The following PIK3CD variants were observed in gnomAD, a reference collection of about 807,000 sequenced individuals.
PIK3CD encodes phosphatidylinositol-4,5-bisphosphate 3-kinase catalytic subunit delta.
Under a neutral mutation model 122.9 loss-of-function variants are expected in PIK3CD, and 20 were observed. The ratio of observed to expected loss-of-function variants is 0.16; its 90% CI spans 0.11 to 0.24. The LOEUF (loss-of-function observed/expected upper bound fraction) is 0.24. PIK3CD is among the 10% of genes least tolerant of loss of function. The probability of loss-of-function intolerance (pLI) is 1.00; values close to 1 mark genes in which losing one functional copy is unlikely to be tolerated. For missense variants in PIK3CD, 787 were observed against 1,406.3 expected (o/e 0.56, Z 7.04); for synonymous variants, 596 against 593.4 (o/e 1.00, Z -0.06).
the PIK3CD span, among the ~76,000 whole-genome samples, chr1:9,643,523 AT>A: frequency 1.3e-5 from 2 of 152,002 alleles, no homozygotes; most frequent in Admixed American, 6.6e-5. Flanking sequence ...GATTAAAAAA[AT>A]AAATAAATAA....
chr1:9,718,648 G>C lies in PIK3CD; in HGVS notation c.1021-46G>C, dbSNP rs764612143. On this transcript the variant is annotated intron_variant, in intron 8 of 23. Coordinates refer to ENST00000377346, the MANE Select transcript of PIK3CD (RefSeq NM_005026.5). The surrounding 1 kb of genome is among the most constrained non-coding windows in gnomAD (Gnocchi z 7.2). ...GACACCTTAAGGGGGAGGGGAGAGG[G>C]GCTGGGCCTCTGCCTCCTCACCCAT... 6.5e-7 allele frequency: 1 copy of C among 1,542,720 alleles called. No homozygotes were observed. Among genetic ancestry groups the C allele is most frequent in the African/African-American group, 1.4e-5 (1 of 73,866 alleles).
rs200639471 is a variant in PIK3CD, at chr1:9,717,102, G to A, written c.924G>A (p.Ala308=). 5.6e-6 allele frequency: 9 copies of A among 1,613,912 alleles called. No individual in the cohort carries two copies. Among genetic ancestry groups the A allele is most frequent in the African/African-American group, 2.7e-5 (2 of 75,058 alleles). ...KPRAKPPPIP[A]KKPSSVSLWS... ...GTGCCAAACCACCTCCCATTCCTGCGAAGAAGGTGAGATGGCGCCTTCCGC... is the reference window on the plus strand; with the variant it reads ...GTGCCAAACCACCTCCCATTCCTGCAAAGAAGGTGAGATGGCGCCTTCCGC... The change falls in exon 7 of 24, where the codon GCG becomes GCA. Residue 308 remains alanine (A), a synonymous_variant. Transcript: ENST00000377346. This position sits in a 1 kb window ranked among gnomAD's most constrained non-coding sequence, Gnocchi z 5.4.
In PIK3CD at chr1:9,685,761, C is replaced by G. The variant is rs569350219; in HGVS notation, c.-137-5706C>G. On this transcript the variant is annotated intron_variant, in intron 1 of 23. Coordinates refer to ENST00000377346, the MANE Select transcript of PIK3CD (RefSeq NM_005026.5). ...TGCTATCAATAGCGCACTGCAGCCTCAAACTCAAGCGATCCTCCTGCCTCA... is the reference window on the plus strand; with the variant it reads ...TGCTATCAATAGCGCACTGCAGCCTGAAACTCAAGCGATCCTCCTGCCTCA... Among the ~76,000 whole-genome samples the G allele has an allele frequency of 1.1e-3, 161 of 147,624 alleles. 1 individual carries two copies. The highest frequency in any genetic ancestry group is 4.0e-3 in the African/African-American group (151 of 37,772).
chr1:9,666,797 C>G (rs1034588272), intron 1 of PIK3CD, among the ~76,000 whole-genome samples: 1 of 151,208 alleles, frequency 6.6e-6, no homozygotes, highest in African/African-American at 2.4e-5. Flanking sequence ...CTCTGCCTCC[C>G]GGGTTCAGGC....
chr1:9,657,727 TG>T (rs1331644209), intron 1 of PIK3CD, among the ~76,000 whole-genome samples: 1 of 152,140 alleles, frequency 6.6e-6, no homozygotes, highest in African/African-American at 2.4e-5. Flanking sequence ...TCTCTCTCTC[TG>T]AGGTCACACA....
At chr1:9,674,707 AAAAG>A (rs1424584549) in intron 1 of PIK3CD, among the ~76,000 whole-genome samples, 4 of 151,028 alleles carry the variant, frequency 2.6e-5, no homozygotes, top group Non-Finnish European at 5.9e-5. Flanking sequence ...AAAAAAAAAA[AAAAG>A]AAACAAAAAG....
At position 9,717,197 on chromosome 1, in the gene PIK3CD, G is replaced by T; in HGVS notation, c.930+89G>T. 2 of 1,509,080 alleles carry T rather than the reference G, an allele frequency of 1.3e-6. No individual in the cohort carries two copies. Among genetic ancestry groups the T allele is most frequent in the Non-Finnish European group, 1.8e-6 (2 of 1,088,088 alleles). 93.5% of individuals were successfully genotyped at this position (1,509,080 alleles called of 1,614,324 possible). On this transcript the variant is annotated intron_variant, in intron 7 of 23. Transcript: ENST00000377346. This position sits in a 1 kb window ranked among gnomAD's most constrained non-coding sequence, Gnocchi z 5.4. Reference sequence around the variant, plus strand: ...ATGTGCTACTGGCCATGGGTCCAGGGGCCCTTGGTATGGAGAGCTGGGGCT... The same window carrying T: ...ATGTGCTACTGGCCATGGGTCCAGGTGCCCTTGGTATGGAGAGCTGGGGCT...
intron 2 of PIK3CD, among the ~76,000 whole-genome samples, chr1:9,705,343 G>GA (rs796355170): frequency 6.8e-4 from 93 of 137,340 alleles, no homozygotes; most frequent in African/African-American, 1.8e-3. Flanking sequence ...AAAAAAAAAG[G>GA]AAAAAAAAAA....
At chr1:9,672,897 C>T (rs1645376856) in intron 1 of PIK3CD, among the ~76,000 whole-genome samples, 1 of 152,100 alleles carries the variant, frequency 6.6e-6, no homozygotes, top group African/African-American at 2.4e-5. Context: ...CAGCAGCACT[C>T]ACCTGGAGAA....
rs1175407090 is a variant in PIK3CD, at chr1:9,728,691, T to C, written c.*1645T>C. The C allele has an allele frequency of 6.6e-6, 1 of 152,238 alleles. No individual in the cohort carries two copies. The highest frequency in any genetic ancestry group is 2.4e-5 in the African/African-American group (1 of 41,470). 9.4% of individuals were successfully genotyped at this position (152,238 alleles called of 1,614,324 possible). ...GAAAGCCGTGCGTGCGCGTTATTTA[T>C]TTAAGTGCGCCTGTGTGCGCGGGTG... On this transcript the variant is annotated 3_prime_UTR_variant, in exon 24 of 24. Coordinates refer to ENST00000377346, the MANE Select transcript of PIK3CD (RefSeq NM_005026.5).
At chr1:9,629,841 G>T in the PIK3CD span, among the ~76,000 whole-genome samples, 2 of 152,114 alleles carry the variant, frequency 1.3e-5, no homozygotes, top group East Asian at 1.9e-4. Flanking sequence ...ACGGGCTGGG[G>T]AGCACTTCTG....
intron 1 of PIK3CD, among the ~76,000 whole-genome samples, chr1:9,690,768 G>A (rs4601595): frequency 6.6e-6 from 1 of 152,104 alleles, no homozygotes; most frequent in East Asian, 1.9e-4. Context: ...TGGTTTTGGT[G>A]TTGTGCTAAA....
At chr1:9,694,004 G>A (rs1299872931) in intron 2 of PIK3CD, among the ~76,000 whole-genome samples, 1 of 152,192 alleles carries the variant, frequency 6.6e-6, no homozygotes, top group African/African-American at 2.4e-5. Flanking sequence ...TTTCCGGCAG[G>A]CAGTGTTTTC....
intron 1 of PIK3CD, among the ~76,000 whole-genome samples, chr1:9,668,076 A>G (rs1424118560): frequency 6.6e-6 from 1 of 151,774 alleles, no homozygotes; most frequent in South Asian, 2.1e-4. Flanking sequence ...TTTTATTGCC[A>G]ATGAGTTTAA....
At chr1:9,662,284 T>G (rs906625247) in intron 1 of PIK3CD, 1 of 152,640 alleles carries the variant, frequency 6.6e-6, no homozygotes, top group Non-Finnish European at 1.5e-5. Flanking sequence ...AGGCGTGAGC[T>G]ACCACGCCTG....
the PIK3CD span, among the ~76,000 whole-genome samples, chr1:9,627,271 T>G: frequency 1.8e-4 from 28 of 152,346 alleles, no homozygotes; most frequent in Admixed American, 1.8e-3. Context: ...AGACGCCGGC[T>G]GGGCGACCTA....
chr1:9,629,758 C>T, the PIK3CD span, among the ~76,000 whole-genome samples: 3 of 152,130 alleles, frequency 2.0e-5, no homozygotes, highest in Admixed American at 6.5e-5. Flanking sequence ...ACTCCCAGCT[C>T]GCCCTAAGGC....
At chr1:9,634,157 T>G in the PIK3CD span, among the ~76,000 whole-genome samples, 8 of 148,122 alleles carry the variant, frequency 5.4e-5, no homozygotes, top group African/African-American at 1.2e-4. Context: ...TTGTTTTTTT[T>G]TTTTTTTTTT....
At chr1:9,640,070 G>C in the PIK3CD span, among the ~76,000 whole-genome samples, 1 of 151,692 alleles carries the variant, frequency 6.6e-6, no homozygotes, top group African/African-American at 2.4e-5. Flanking sequence ...CATTGCTCAA[G>C]TTGTTCTAGC....
Sources: allele counts gnomAD v4.1 joint callset (sites outside exome capture counted in the v4.1 genomes callset), GRCh38; gene constraint gnomAD v4.1.1; non-coding constraint Gnocchi (gnomAD v3.1); transcripts MANE v1.5; gene names NCBI Gene and HGNC (gene_info 2026-07-23, HGNC 2026-07-21).